STK32C: variants seen among roughly 807,000 people sequenced by gnomAD.
STK32C encodes the protein serine/threonine-protein kinase 32C.
Under a neutral mutation model 56.5 loss-of-function variants are expected in STK32C, and 31 were observed. That is an observed-to-expected ratio of 0.55 (90% CI 0.41 to 0.74). STK32C has a LOEUF of 0.74. Among genes scored for constraint, STK32C ranks in the 30% least tolerant of loss-of-function variants. The pLI is 0.00. For missense variants in STK32C, 544 were observed against 676.9 expected (o/e 0.80, Z 2.18); for synonymous variants, 309 against 289.4 (o/e 1.07, Z -0.69).
intron 1 of STK32C, among the ~76,000 whole-genome samples, chr10:132,306,743 G>A (rs1005715243): frequency 1.3e-5 from 2 of 152,228 alleles, no homozygotes; most frequent in Admixed American, 6.5e-5. Context: ...ATCAATGTAC[G>A]ATTTTAAATG....
intron 1 of STK32C, among the ~76,000 whole-genome samples, chr10:132,300,682 G>A (rs2065885727): frequency 6.6e-6 from 1 of 152,200 alleles, no homozygotes; most frequent in African/African-American, 2.4e-5. Flanking sequence ...GAGGGGAGGG[G>A]CCTGCGTCTC....
chr10:132,237,323 G>A (rs2063329320), intron 2 of STK32C, among the ~76,000 whole-genome samples: 1 of 152,216 alleles, frequency 6.6e-6, no homozygotes, highest in East Asian at 1.9e-4. Flanking sequence ...CAGCTTCCTT[G>A]CAGCTCTAAG....
At chr10:132,296,705 C>G (rs759997066) in intron 1 of STK32C, among the ~76,000 whole-genome samples, 8 of 152,206 alleles carry the variant, frequency 5.3e-5, no homozygotes, top group Non-Finnish European at 1.2e-4. Context: ...GGCACAGCAT[C>G]TGGTGGTTAG....
At chr10:132,330,558 C>T (rs962985126) in intron 1 of STK32C, 32 of 711,676 alleles carry the variant, frequency 4.5e-5, no homozygotes, top group African/African-American at 4.2e-4. Context: ...CCGAAGCTGA[C>T]ATTAAGTGGC....
Position 132,255,735 on chromosome 10 carries a change from G to T in STK32C, c.263-9780C>A, listed in dbSNP as rs1048986427. On this transcript the variant is annotated intron_variant, in intron 1 of 11. Coordinates refer to ENST00000298630, the MANE Select transcript of STK32C (RefSeq NM_173575.4). This position sits in a 1 kb window ranked among gnomAD's most constrained non-coding sequence, Gnocchi z 4.6. ...GTCAGAGATCAGGAGAGGGGATGAGGGTGTGGGTGCCGGCCTCTGACCCTG... is the reference window on the plus strand; with the variant it reads ...GTCAGAGATCAGGAGAGGGGATGAGTGTGTGGGTGCCGGCCTCTGACCCTG... 2.6e-5 allele frequency among the ~76,000 whole-genome samples: 4 copies of T among 152,198 alleles called. No individual in the cohort carries two copies. The highest frequency in any genetic ancestry group is 9.7e-5 in the African/African-American group (4 of 41,442).
chr10:132,287,002 T>C (rs906462081), intron 1 of STK32C, among the ~76,000 whole-genome samples: 2 of 152,116 alleles, frequency 1.3e-5, no homozygotes, highest in Non-Finnish European at 2.9e-5. Context: ...AAGTTCTGAG[T>C]GAGTTTAAGC....
At chr10:132,274,698 G>T (rs1455979104) in intron 1 of STK32C, among the ~76,000 whole-genome samples, 3 of 152,178 alleles carry the variant, frequency 2.0e-5, no homozygotes, top group African/African-American at 7.2e-5. Flanking sequence ...ACCCGGCTGA[G>T]CGCAAACCTC....
At chr10:132,278,093 G>A (rs1037492848) in intron 1 of STK32C, among the ~76,000 whole-genome samples, 1 of 152,208 alleles carries the variant, frequency 6.6e-6, no homozygotes, top group Non-Finnish European at 1.5e-5. Context: ...GACCCCCTGG[G>A]AACCCATTGC....
chr10:132,222,032 G>T (rs554151929), intron 10 of STK32C, among the ~76,000 whole-genome samples: 14 of 146,680 alleles, frequency 9.5e-5, no homozygotes, highest in African/African-American at 3.0e-4. Context: ...TGAGTGTGAG[G>T]GCTTCACATG....
intron 2 of STK32C, among the ~76,000 whole-genome samples, chr10:132,231,347 G>A (rs2063092975): frequency 6.6e-6 from 1 of 152,252 alleles, no homozygotes; most frequent in Non-Finnish European, 1.5e-5. Flanking sequence ...TGGCCCTGTG[G>A]GAGGAGCTGC....
chr10:132,238,435 G>A (rs943591819), intron 2 of STK32C, among the ~76,000 whole-genome samples: 1 of 152,224 alleles, frequency 6.6e-6, no homozygotes, highest in Non-Finnish European at 1.5e-5. Flanking sequence ...ACGACGTGAA[G>A]GGGAAACACG....
Position 132,222,854 on chromosome 10 carries a change from G to A in STK32C, c.1119+7C>T. ...GGGCCCCCCACCTGAGCCGCCCACA[G>A]GCTTACGTTGGGCACGAAGCCCGGC... On this transcript the variant is annotated splice_region_variant and intron_variant, in intron 9 of 11. Transcript: ENST00000298630. 1 of 1,590,168 alleles carries A rather than the reference G, an allele frequency of 6.3e-7. No homozygotes were observed. The highest frequency in any genetic ancestry group is 8.5e-7 in the Non-Finnish European group (1 of 1,170,154).
In STK32C at chr10:132,228,200, A is replaced by G. The variant is rs764227165; in HGVS notation, c.319-72T>C. ...GACACGTGGGGACACCTGGAAATGC[A>G]TGGGGATGCCTGGGGACGCATCGTC... On this transcript the variant is annotated intron_variant, in intron 2 of 11. Transcript: ENST00000298630. The G allele has an allele frequency of 3.9e-5, 63 of 1,602,528 alleles. No homozygotes were observed. The South Asian group carries it at 5.2e-4, about 13-fold the overall frequency.
Position 132,222,939 on chromosome 10 carries a change from C to T in STK32C, c.1041G>A (p.Val347=). 1 of 1,555,724 alleles carries T rather than the reference C, an allele frequency of 6.4e-7. No individual in the cohort carries two copies. The highest frequency in any genetic ancestry group is 8.7e-7 in the Non-Finnish European group (1 of 1,153,904). Residue 347 remains valine, a synonymous_variant, in exon 9 of 12, where the codon GTG becomes GTA. Coordinates refer to ENST00000298630, the MANE Select transcript of STK32C (RefSeq NM_173575.4). The part of the protein sequence containing the change: ...PEHRLSSLQD[V]QAAPALAGVL... The stretch of plus-strand genomic sequence containing the variant: ...CGCCGGCCAGCGCCGGGGCTGCCTG[C>T]ACGTCCTGGAGGCTGGAGAGCCGGT...
intron 1 of STK32C, among the ~76,000 whole-genome samples, chr10:132,314,095 G>T (rs973308763): frequency 6.6e-6 from 1 of 152,200 alleles, no homozygotes; most frequent in Non-Finnish European, 1.5e-5. Context: ...GGCCAGCACC[G>T]CGATGCACCA....
chr10:132,321,297 A>G (rs2066403065), downstream of STK32C, among the ~76,000 whole-genome samples: 1 of 152,208 alleles, frequency 6.6e-6, no homozygotes, highest in South Asian at 2.1e-4. Flanking sequence ...AGCCCAGCCA[A>G]GCCCAGCCAA....
intron 2 of STK32C, among the ~76,000 whole-genome samples, chr10:132,244,946 G>A (rs1395431028): frequency 6.6e-6 from 1 of 152,078 alleles, no homozygotes; most frequent in Admixed American, 6.5e-5. Context: ...CAACATGCAG[G>A]GACTCAAAAG....
At chr10:132,210,539 T>C (rs1229633720) in intron 10 of STK32C, among the ~76,000 whole-genome samples, 2 of 152,244 alleles carry the variant, frequency 1.3e-5, no homozygotes, top group African/African-American at 4.8e-5. Flanking sequence ...TGAGCCACCA[T>C]GCCTGGCCCT....
chr10:132,323,792 G>A (rs147479213), downstream of STK32C, among the ~76,000 whole-genome samples: 2 of 152,156 alleles, frequency 1.3e-5, no homozygotes, highest in African/African-American at 2.4e-5. The surrounding 1 kb of genome is among the most constrained non-coding windows in gnomAD (Gnocchi z 4.8). Context: ...CAGGAAAGAT[G>A]TTTACTTGAC....
Sources: allele counts gnomAD v4.1 joint callset (sites outside exome capture counted in the v4.1 genomes callset), GRCh38; gene constraint gnomAD v4.1.1; non-coding constraint Gnocchi (gnomAD v3.1); transcripts MANE v1.5; gene names NCBI Gene and HGNC (gene_info 2026-07-23, HGNC 2026-07-21).